Variants in NFATC1 observed in about 807,000 individuals in gnomAD.
The protein encoded by NFATC1 is nuclear factor of activated T-cells, cytoplasmic 1.
In NFATC1, 22 loss-of-function variants were observed where a neutral mutation model predicts 76.0. The ratio of observed to expected loss-of-function variants is 0.29; its 90% CI spans 0.21 to 0.41. NFATC1 has a LOEUF of 0.41. Ranked by LOEUF, NFATC1 falls within the 10% of genes least tolerant of loss-of-function variation. NFATC1 has a pLI of 1.00. For missense variants in NFATC1, 1,357 were observed against 1,337.7 expected (o/e 1.01, Z -0.23); for synonymous variants, 704 against 613.1 (o/e 1.15, Z -2.19).
rs118007064 is a variant in NFATC1 at position 79,396,966 on chromosome 18, G to A, written c.127+615G>A. Among the ~76,000 whole-genome samples, 7 of 152,330 alleles carry A rather than the reference G, an allele frequency of 4.6e-5. No homozygotes were observed. In the East Asian group the frequency reaches 1.4e-3, roughly 29 times the overall value. On this transcript the variant is annotated intron_variant, in intron 1 of 9. Transcript: ENST00000427363. ...AGCCATTTTGAAATCCTATAGGCAG[G>A]AGTTCCAGCCAGAGAAGATGTTTCA...
chr18:79,470,012 A>G, intron 8 of NFATC1: 1 of 985,412 alleles, frequency 1.0e-6, no homozygotes, highest in Non-Finnish European at 1.2e-6. Context: ...AATAGAAACC[A>G]GCACCCAGGT....
Position 79,455,008 on chromosome 18 carries a change from C to T in NFATC1, c.1903+3192C>T, listed in dbSNP as rs148086098. 3.5e-3 allele frequency among the ~76,000 whole-genome samples: 540 copies of T among 152,286 alleles called. 10 individuals are homozygous for T. Among genetic ancestry groups the T allele is most frequent in the African/African-American group, 5.8e-3 (242 of 41,546 alleles). ...GGGACACACTAACGTTCAACATAAA[C>T]GAAACGCCCGAAGAACGCCCGCGTG... is the stretch of plus-strand genomic sequence containing the variant. On this transcript the variant is annotated intron_variant, in intron 6 of 9. Transcript: ENST00000427363.
At chr18:79,483,411 G>A (rs146109171) in intron 8 of NFATC1, among the ~76,000 whole-genome samples, 2 of 68,446 alleles carry the variant, frequency 2.9e-5, no homozygotes, top group South Asian at 3.9e-4. Context: ...GACCTGGTTC[G>A]TGGGGTGTCA....
intron 1 of NFATC1, among the ~76,000 whole-genome samples, chr18:79,396,765 C>G (rs1417213457): frequency 2.6e-5 from 4 of 152,064 alleles, no homozygotes; most frequent in Non-Finnish European, 5.9e-5. Context: ...GAGCCACCCT[C>G]TGGCGCCAAG....
intron 9 of NFATC1, among the ~76,000 whole-genome samples, chr18:79,511,031 G>T (rs1600967625): frequency 6.6e-6 from 1 of 152,352 alleles, no homozygotes; most frequent in Admixed American, 6.5e-5. Flanking sequence ...CCTGGCGTGG[G>T]CCCGCGGTGT....
chr18:79,482,137 TC>T (rs1473295517), intron 8 of NFATC1, among the ~76,000 whole-genome samples: 2 of 146,614 alleles, frequency 1.4e-5, no homozygotes, highest in African/African-American at 2.6e-5. Context: ...CAGCATGACC[TC>T]GTTCCTGGGG....
At chr18:79,409,312 T>A (rs1320977453) in intron 1 of NFATC1, among the ~76,000 whole-genome samples, 1 of 145,474 alleles carries the variant, frequency 6.9e-6, no homozygotes, top group Non-Finnish European at 1.5e-5. Context: ...CATCCATTCC[T>A]CCATTCCCTA....
chr18:79,457,759 G>A (rs1379826300), intron 6 of NFATC1, among the ~76,000 whole-genome samples: 1 of 152,038 alleles, frequency 6.6e-6, no homozygotes, highest in Non-Finnish European at 1.5e-5. Flanking sequence ...CCCCCTCGCC[G>A]TGGCCTCGCC....
At chr18:79,497,856 A>G (rs527250381) in intron 9 of NFATC1, 2 of 152,238 alleles carry the variant, frequency 1.3e-5, no homozygotes, top group Non-Finnish European at 2.9e-5. Flanking sequence ...ACAGCAGACC[A>G]TTAAACTCTG....
intron 8 of NFATC1, among the ~76,000 whole-genome samples, chr18:79,484,145 CCCCTG>C (rs1030003250): frequency 2.6e-5 from 4 of 152,026 alleles, no homozygotes; most frequent in Non-Finnish European, 5.9e-5. Flanking sequence ...CGTTCTCCCT[CCCCTG>C]CCCTGGGCAC....
chr18:79,417,424 G>A (rs2085916745), intron 2 of NFATC1, among the ~76,000 whole-genome samples: 1 of 32,228 alleles, frequency 3.1e-5, no homozygotes, highest in Non-Finnish European at 6.5e-5. Context: ...GGCTGTGGTG[G>A]GAGATGGGAG....
At chr18:79,432,041 C>CT (rs2144656186) in intron 2 of NFATC1, among the ~76,000 whole-genome samples, 1 of 152,344 alleles carries the variant, frequency 6.6e-6, no homozygotes, top group South Asian at 2.1e-4. Context: ...ACAGTGTGTC[C>CT]TGAGGTGTGG....
chr18:79,467,297 G>A lies in NFATC1; in HGVS notation c.1960-153G>A, dbSNP rs550704365. ...ACCGTCACGGCAGTCCTGTGCTGCC[G>A]TGGAAACGCGGGGTTGCCGTGTGGC... On this transcript the variant is annotated intron_variant, in intron 7 of 9. Transcript: ENST00000427363. Among the ~76,000 whole-genome samples the A allele has an allele frequency of 3.7e-5, 5 of 134,036 alleles. No homozygotes were observed. The East Asian group carries it at 6.0e-4, about 16-fold the overall frequency. 87.9% of individuals were successfully genotyped at this position (134,036 alleles called of 152,430 possible).
Position 79,425,556 on chromosome 18 carries a change from A to G in NFATC1, c.1227-8023A>G, listed in dbSNP as rs191677526. 4.6e-5 allele frequency among the ~76,000 whole-genome samples: 7 copies of G among 152,354 alleles called. No homozygotes were observed. In the East Asian group the frequency reaches 1.2e-3, roughly 25 times the overall value. On this transcript the variant is annotated intron_variant, in intron 2 of 9. Transcript: ENST00000427363. ...AGCACGTGCGGGCTTTAACCCTCGG[A>G]AAATCAGAATTAAAGGATTTTACCC...
At chr18:79,424,225 C>T (rs1207943135) in intron 2 of NFATC1, among the ~76,000 whole-genome samples, 1 of 152,218 alleles carries the variant, frequency 6.6e-6, no homozygotes, top group Non-Finnish European at 1.5e-5. Flanking sequence ...CCGAGAAACG[C>T]GGCGTGTGCG....
rs1302592462 is a variant in NFATC1, at chr18:79,483,555, G to GT, written c.2093-2692dup. On this transcript the variant is annotated intron_variant, in intron 8 of 9. Coordinates refer to ENST00000427363, the MANE Select transcript of NFATC1 (RefSeq NM_001278669.2). ...TGGGGTGTCACTCCGGCGTGACCTG[G>GT]TCCTGGGGTGTCACTCCGGCGTGAC... Among the ~76,000 whole-genome samples the GT allele has an allele frequency of 1.6e-4, 18 of 109,488 alleles. 1 individual carries two copies. The highest frequency in any genetic ancestry group is 4.4e-4 in the African/African-American group (10 of 22,826). 71.8% of individuals were successfully genotyped at this position (109,488 alleles called of 152,430 possible). A position where few individuals can be genotyped will look rare whatever the true frequency, so the allele number is the denominator to read the frequency against.
Position 79,486,280 on chromosome 18 carries a change from T to C in NFATC1, c.2125T>C (p.Tyr709His), listed in dbSNP as rs201438929. The C allele has an allele frequency of 6.2e-7, 1 of 1,612,770 alleles. No individual in the cohort carries two copies. The highest frequency in any genetic ancestry group is 1.1e-5 in the South Asian group (1 of 91,074). ...PIIKTEPTDDYEPAPTCGPVS... is the reference protein window; with the variant it reads ...PIIKTEPTDDHEPAPTCGPVS... Reference sequence around the variant, plus strand: ...TATAAAAACAGAACCCACTGATGATTATGAGCCTGCTCCAACCTGTGGACC... The same window carrying C: ...TATAAAAACAGAACCCACTGATGATCATGAGCCTGCTCCAACCTGTGGACC... The change falls in exon 9 of 10, where the codon TAT becomes CAT. Residue 709 changes from tyrosine (Y) to histidine (H), a missense_variant. By Grantham distance (83) the Tyr-to-His change is moderately conservative. Transcript: ENST00000427363.
chr18:79,461,472 C>A, intron 7 of NFATC1, 106 bp downstream of exon 7: 2 of 730,718 alleles, frequency 2.7e-6, no homozygotes, highest in Non-Finnish European at 3.9e-6. Flanking sequence ...GGCTGGGGTT[C>A]CTGTTTCTTA....
intron 1 of NFATC1, among the ~76,000 whole-genome samples, chr18:79,403,990 C>T (rs55665015): frequency 1.2e-4 from 19 of 152,140 alleles, no homozygotes; most frequent in African/African-American, 2.7e-4. Context: ...CATCCCCTGA[C>T]GTTCTAGAGG....
Sources: gnomAD v4.1 joint callset for allele counts (sites outside exome capture counted in the v4.1 genomes callset) on GRCh38, gnomAD v4.1.1 for gene constraint, MANE v1.5 for transcripts, NCBI Gene and HGNC (gene_info 2026-07-23, HGNC 2026-07-21) for gene names.